The following SPAG11B variants were observed in gnomAD, a reference collection of about 807,000 sequenced individuals.
SPAG11B encodes the protein sperm associated antigen 11B.
Under a neutral mutation model 8.9 loss-of-function variants are expected in SPAG11B, and 5 were observed. That is an observed-to-expected ratio of 0.56 (90% CI 0.29 to 1.19). SPAG11B has a LOEUF of 1.19. SPAG11B is among the 50% of genes most tolerant of loss of function. The pLI is 0.08. For missense variants in SPAG11B, 38 were observed against 146.4 expected (o/e 0.26, Z 3.82); for synonymous variants, 12 against 53.0 (o/e 0.23, Z 3.36).
At chr8:7,449,505 A>G (rs2128871321), downstream of SPAG11B, among the ~76,000 whole-genome samples, 1 of 150,398 alleles carries the variant, frequency 6.6e-6, no homozygotes. Flanking sequence ...CAGGGATGGA[A>G]CAATGGCTCT....
downstream of SPAG11B, chr8:7,447,891 G>A: frequency 2.3e-6 from 2 of 887,438 alleles, 1 homozygote; most frequent in East Asian, 7.9e-5. Flanking sequence ...ACAGACCCTG[G>A]GTGAGGCTCC....
At chr8:7,451,398 C>G (rs1479145587) in intron 2 of SPAG11B, among the ~76,000 whole-genome samples, 1 of 129,004 alleles carries the variant, frequency 7.8e-6, no homozygotes, top group Non-Finnish European at 1.6e-5. Flanking sequence ...AAATGACCAC[C>G]TAAATTTTTA....
rs1188010536 is a variant in SPAG11B at position 7,463,034 on chromosome 8, ACCTATGTGT to A, written c.62-184_62-176del. On this transcript the variant is annotated intron_variant, in intron 1 of 2. Transcript: ENST00000398462. Reference sequence around the variant, plus strand: ...ACGTTTGTGCACATGCGTTGTATGCACCTATGTGTAGAGAGAGAAGGTGAATGAAGTGTA... The same window carrying A: ...ACGTTTGTGCACATGCGTTGTATGCAAGAGAGAGAAGGTGAATGAAGTGTA... 3.7e-5 allele frequency among the ~76,000 whole-genome samples: 4 copies of A among 106,996 alleles called. No homozygotes were observed. The East Asian group carries it at 1.2e-3, about 31-fold the overall frequency. The allele number at this position is 106,996 out of a possible 152,430, so 70.2% of individuals were successfully genotyped here.
chr8:7,452,727 TC>T lies in SPAG11B; in HGVS notation c.215-1828del, dbSNP rs1298507526. ...CAGTTGAGCAGATAATTAGCTTATT[TC>T]CCAGCAACATGACTCCCATCTACCA... On this transcript the variant is annotated intron_variant, in intron 2 of 2. Transcript: ENST00000398462. Among the ~76,000 whole-genome samples, 8 of 83,012 alleles carry T rather than the reference TC, an allele frequency of 9.6e-5. No individual in the cohort carries two copies. In the Admixed American group the frequency reaches 1.0e-3, roughly 11 times the overall value. The allele number at this position is 83,012 out of a possible 152,430, so 54.5% of individuals were successfully genotyped here.
chr8:7,453,855 G>A (rs1196760086), intron 2 of SPAG11B, among the ~76,000 whole-genome samples: 1 of 149,134 alleles, frequency 6.7e-6, no homozygotes, highest in Non-Finnish European at 1.5e-5. Flanking sequence ...AATCACCTTT[G>A]AAGTTAAGAC....
intron 2 of SPAG11B, among the ~76,000 whole-genome samples, chr8:7,451,806 G>T (rs1326910278): frequency 8.6e-5 from 13 of 151,812 alleles, no homozygotes; most frequent in Non-Finnish European, 1.5e-4. Context: ...TGTAAAATGT[G>T]TTCTATGTGC....
intron 2 of SPAG11B, among the ~76,000 whole-genome samples, chr8:7,453,682 T>C (rs2853653): frequency 0.19 from 26,493 of 136,466 alleles, 194 homozygotes; most frequent in East Asian, 0.32. Flanking sequence ...AAAAGAGACA[T>C]CAAGCAGTGG....
intron 2 of SPAG11B, among the ~76,000 whole-genome samples, chr8:7,452,927 G>A (rs1360612374): frequency 2.1e-5 from 3 of 145,068 alleles, no homozygotes; most frequent in Admixed American, 1.4e-4. Flanking sequence ...ACAACAACGT[G>A]GATGAACCTC....
rs1245813244 is a variant in SPAG11B, at chr8:7,459,431, C to T, written c.214+3276G>A. Among the ~76,000 whole-genome samples the T allele has an allele frequency of 5.5e-5, 8 of 145,346 alleles. 1 individual carries two copies. Among genetic ancestry groups the T allele is most frequent in the South Asian group, 2.4e-4 (1 of 4,180 alleles). On this transcript the variant is annotated intron_variant, in intron 2 of 2. Coordinates refer to ENST00000398462, the MANE Select transcript of SPAG11B (RefSeq NM_058201.4). ...ACCAAAGAAATATCAACACACAGAT[C>T]GGTTCTTTCTGAGAGAAAACCATGG...
At chr8:7,448,772 C>T (rs1809958027), downstream of SPAG11B, among the ~76,000 whole-genome samples, 2 of 133,042 alleles carry the variant, frequency 1.5e-5, no homozygotes, top group South Asian at 4.7e-4. Context: ...CCGTCCCTTC[C>T]CTTCCCCTCT....
downstream of SPAG11B, among the ~76,000 whole-genome samples, chr8:7,450,359 G>T (rs1563339808): frequency 6.8e-6 from 1 of 147,164 alleles, no homozygotes; most frequent in Non-Finnish European, 1.5e-5. Context: ...GAAGGCTAGT[G>T]CTGGGTGTGG....
chr8:7,463,085 A>ATGT (rs1342634524), intron 1 of SPAG11B, among the ~76,000 whole-genome samples: 2,935 of 121,058 alleles, frequency 0.024, 59 homozygotes, highest in African/African-American at 0.094. Context: ...GTATGCCATG[A>ATGT]ATGGTGAGTC....
intron 2 of SPAG11B, among the ~76,000 whole-genome samples, chr8:7,453,413 C>T (rs1810303845): frequency 6.7e-6 from 1 of 149,018 alleles, no homozygotes; most frequent in Non-Finnish European, 1.5e-5. Context: ...ATAACAATTG[C>T]TGTTAGCTTC....
At chr8:7,453,188 G>C (rs1156449048) in intron 2 of SPAG11B, among the ~76,000 whole-genome samples, 2 of 143,736 alleles carry the variant, frequency 1.4e-5, no homozygotes, top group Non-Finnish European at 3.0e-5. Flanking sequence ...GCTCTGGGGT[G>C]CTGGGAGTTG....
intron 2 of SPAG11B, among the ~76,000 whole-genome samples, chr8:7,452,896 T>G (rs1427885045): frequency 8.3e-5 from 11 of 131,828 alleles, no homozygotes; most frequent in Non-Finnish European, 1.8e-4. Context: ...ACAACAAGAA[T>G]AGAAAAACAA....
downstream of SPAG11B, chr8:7,447,858 G>A: frequency 1.6e-6 from 1 of 614,588 alleles, no homozygotes. Flanking sequence ...CAGCCGAGAG[G>A]CAGTCCAGGC....
At chr8:7,459,823 AATGCCC>A (rs1810675644) in intron 2 of SPAG11B, among the ~76,000 whole-genome samples, 2 of 107,704 alleles carry the variant, frequency 1.9e-5, no homozygotes, top group Admixed American at 1.9e-4. Context: ...CAGGCAGGTA[AATGCCC>A]ACCTCCCGGT....
intron 2 of SPAG11B, among the ~76,000 whole-genome samples, chr8:7,453,166 G>A (rs1237862989): frequency 6.3e-5 from 9 of 143,566 alleles, no homozygotes; most frequent in Non-Finnish European, 1.2e-4. Context: ...TGGGCTGGAG[G>A]GAGGTTTGTG....
rs75155475 is a variant in SPAG11B at position 7,451,152 on chromosome 8, C to T, written c.215-252G>A. On this transcript the variant is annotated intron_variant, in intron 2 of 2. Transcript: ENST00000398462. Reference sequence around the variant, plus strand: ...GCCCATCTAGGCCCTAAAAAGTCCACACAGATCCTAAATGAGGGTCCTCGA... The same window carrying T: ...GCCCATCTAGGCCCTAAAAAGTCCATACAGATCCTAAATGAGGGTCCTCGA... 377 of 1,560,008 alleles carry T rather than the reference C, an allele frequency of 2.4e-4. 56 individuals are homozygous for T. The African/African-American group carries it at 5.2e-3, about 21-fold the overall frequency.
Sources: gnomAD v4.1 joint callset for allele counts (sites outside exome capture counted in the v4.1 genomes callset) on GRCh38, gnomAD v4.1.1 for gene constraint, MANE v1.5 for transcripts, NCBI Gene and HGNC (gene_info 2026-07-23, HGNC 2026-07-21) for gene names.